Variants in GLI2 observed in about 807,000 individuals in gnomAD.
GLI2 encodes transcription activator GLI2.
Under a neutral mutation model 78.9 loss-of-function variants are expected in GLI2, and 22 were observed. That is an observed-to-expected ratio of 0.28 (90% confidence interval 0.20 to 0.40). GLI2 has a LOEUF of 0.40. Among genes scored for constraint, GLI2 ranks in the 10% least tolerant of loss-of-function variants. GLI2 has a pLI of 1.00. For missense variants in GLI2, 2,097 were observed against 2,213.2 expected, an observed-to-expected ratio of 0.95 and a Z score of 1.05; for synonymous variants, 974 against 963.7, an observed-to-expected ratio of 1.01 and a Z score of -0.20.
At position 120,984,506 on chromosome 2, in the gene GLI2, G is replaced by T; in HGVS notation, c.1668G>T (p.Lys556Asn). ...PYICKIPGCT[K>N]RYTDPSSLRK... ...TCTGCAAGATCCCAGGCTGCACCAAGAGATACACAGACCCCAGCTCTCTCC... is the reference window on the plus strand; with the variant it reads ...TCTGCAAGATCCCAGGCTGCACCAATAGATACACAGACCCCAGCTCTCTCC... The change falls in exon 12 of 14, where the codon AAG becomes AAT. Residue 556 changes from lysine to asparagine, a missense_variant. By Grantham distance (94) the Lys-to-Asn change is moderately conservative (BLOSUM62 0). Transcript: ENST00000361492. 1 of 1,614,238 alleles carries T rather than the reference G, an allele frequency of 6.2e-7. No individual in the cohort carries two copies. The highest frequency in any genetic ancestry group is 8.5e-7 in the Non-Finnish European group (1 of 1,180,038).
intron 12 of GLI2, 130 bp downstream of exon 12, chr2:120,984,873 C>A: frequency 2.1e-6 from 2 of 940,790 alleles, no homozygotes; most frequent in Non-Finnish European, 3.3e-6. Context: ...CTCCTCTCTC[C>A]AACTTGGCTT....
chr2:120,931,573 G>A (rs902024486), intron 3 of GLI2, among the ~76,000 whole-genome samples: 5 of 152,202 alleles, frequency 3.3e-5, no homozygotes, highest in African/African-American at 1.2e-4. Context: ...GTGGAGTCTG[G>A]CATCAGCCTG....
intron 1 of GLI2, among the ~76,000 whole-genome samples, chr2:120,778,219 C>T (rs1683739318): frequency 6.6e-6 from 1 of 152,148 alleles, no homozygotes; most frequent in African/African-American, 2.4e-5. Flanking sequence ...GTCCTGGCCT[C>T]CTCGCTCCCG....
At position 120,990,203 on chromosome 2, in the gene GLI2, A is replaced by G; in HGVS notation, c.4238A>G (p.Gln1413Arg). Reference protein sequence around the residue: ...AMGNMGSVPPQPPPQDAGGAP... With the variant: ...AMGNMGSVPPRPPPQDAGGAP... ...GGCAACATGGGGTCGGTGCCTCCCC[A>G]GCCGCCTCCGCAGGACGCAGGTGGG... Residue 1413 changes from glutamine to arginine, a missense_variant, in exon 14 of 14, where the codon CAG (glutamine) becomes CGG (arginine). This residue lies in a region of GLI2 where 1,290 missense variants were observed against 1,261.7 expected (regional missense o/e 1.02). Coordinates refer to ENST00000361492, the MANE Select transcript of GLI2 (RefSeq NM_001374353.1). 1 of 1,613,442 alleles carries G rather than the reference A, an allele frequency of 6.2e-7. No individual in the cohort carries two copies. The highest frequency in any genetic ancestry group is 8.5e-7 in the Non-Finnish European group (1 of 1,180,004).
chr2:120,971,398 C>G (rs1682160557), intron 7 of GLI2, among the ~76,000 whole-genome samples: 1 of 152,248 alleles, frequency 6.6e-6, no homozygotes, highest in Non-Finnish European at 1.5e-5. Flanking sequence ...GACAGGACAC[C>G]ATGTCCTCTA....
At chr2:120,790,455 T>C (rs980959474) in intron 1 of GLI2, among the ~76,000 whole-genome samples, 2 of 152,062 alleles carry the variant, frequency 1.3e-5, no homozygotes, top group South Asian at 4.2e-4. Context: ...CCCTCCTGAG[T>C]TTGCCATCTC....
intron 2 of GLI2, among the ~76,000 whole-genome samples, chr2:120,818,224 G>A (rs1402630036): frequency 6.6e-6 from 1 of 152,222 alleles, no homozygotes; most frequent in Non-Finnish European, 1.5e-5. Flanking sequence ...TTCCAAGCCT[G>A]CAGGGCAGGG....
chr2:120,736,484 G>T (rs1682357329), intron 1 of GLI2, among the ~76,000 whole-genome samples, 199 bp downstream of exon 1: 1 of 151,932 alleles, frequency 6.6e-6, no homozygotes, highest in Non-Finnish European at 1.5e-5. Flanking sequence ...GGCTCTGGAC[G>T]AGCAGGGCGG....
chr2:120,948,888 G>A (rs1316649193), intron 3 of GLI2, among the ~76,000 whole-genome samples: 1 of 152,182 alleles, frequency 6.6e-6, no homozygotes. Flanking sequence ...CGTGCCTGGA[G>A]TGTCTGGGGA....
intron 2 of GLI2, among the ~76,000 whole-genome samples, chr2:120,853,263 G>T (rs1339040572): frequency 6.6e-6 from 1 of 152,178 alleles, no homozygotes; most frequent in Non-Finnish European, 1.5e-5. Context: ...TTGGCACAAA[G>T]GTGTGAGGCA....
chr2:120,782,177 TG>T (rs1683868624), intron 1 of GLI2, among the ~76,000 whole-genome samples: 1 of 152,224 alleles, frequency 6.6e-6, no homozygotes, highest in Admixed American at 6.5e-5. Context: ...TGTGGGGTGT[TG>T]TCAGGGTTTA....
chr2:120,968,593 G>A, intron 5 of GLI2, 121 bp from the exon 6 acceptor site: 1 of 789,142 alleles, frequency 1.3e-6, no homozygotes, highest in Non-Finnish European at 2.2e-6. Flanking sequence ...CAGCTGGAAA[G>A]TCGGCAAAGC....
chr2:120,914,306 G>A (rs1339019006), intron 2 of GLI2, among the ~76,000 whole-genome samples: 2 of 152,212 alleles, frequency 1.3e-5, no homozygotes, highest in East Asian at 3.9e-4. Context: ...GCCTGTGACA[G>A]GTGGAAGGAG....
intron 2 of GLI2, among the ~76,000 whole-genome samples, chr2:120,844,267 T>C (rs1042928107): frequency 3.3e-5 from 5 of 152,240 alleles, no homozygotes; most frequent in Admixed American, 3.3e-4. Context: ...GGTATGTGCA[T>C]GATCGAGCAG....
At chr2:120,926,899 G>C (rs1449125874) in intron 2 of GLI2, among the ~76,000 whole-genome samples, 6 of 152,338 alleles carry the variant, frequency 3.9e-5, no homozygotes, top group African/African-American at 1.2e-4. Flanking sequence ...ACCGTCTGTG[G>C]GCCGTGCCAT....
At chr2:120,907,241 C>T (rs61624698) in intron 2 of GLI2, among the ~76,000 whole-genome samples, 28 of 152,290 alleles carry the variant, frequency 1.8e-4, no homozygotes, top group African/African-American at 6.3e-4. Flanking sequence ...GCCCTCTCCT[C>T]GGCTTGGCTT....
At chr2:120,861,111 C>G (rs766224683) in intron 2 of GLI2, among the ~76,000 whole-genome samples, 1 of 152,160 alleles carries the variant, frequency 6.6e-6, no homozygotes, top group Non-Finnish European at 1.5e-5. Flanking sequence ...GATTAGAGCC[C>G]ATTTACCCTC....
intron 1 of GLI2, among the ~76,000 whole-genome samples, chr2:120,758,295 C>T (rs181356827): frequency 8.5e-5 from 13 of 152,350 alleles, no homozygotes; most frequent in Non-Finnish European, 1.8e-4. Context: ...CACAGCTGAG[C>T]GTGGGAGCTG....
At chr2:120,968,999 C>T in intron 6 of GLI2, 84 bp downstream of exon 6, 1 of 995,844 alleles carries the variant, frequency 1.0e-6, no homozygotes, top group Non-Finnish European at 1.5e-6. Flanking sequence ...TCAGTGGGCG[C>T]TTTTGACCCG....
Sources: allele counts gnomAD v4.1 joint callset (sites outside exome capture counted in the v4.1 genomes callset), GRCh38; gene constraint gnomAD v4.1.1; regional missense constraint gnomAD v4.1.1; transcripts MANE v1.5; gene names NCBI Gene and HGNC (gene_info 2026-07-23, HGNC 2026-07-21).